The following COX10 variants were observed in gnomAD, a reference collection of about 807,000 sequenced individuals.
COX10 encodes cytochrome c oxidase assembly factor heme A:farnesyltransferase COX10.
In COX10, 27 loss-of-function variants were observed where a neutral mutation model predicts 37.3. The observed-to-expected ratio is 0.72, with a 90% CI of 0.53 to 1.00. The LOEUF (loss-of-function observed/expected upper bound fraction) is 1.00. Among genes scored for constraint, COX10 ranks in the 50% least tolerant of loss-of-function variants. COX10 has a pLI of 0.00. For synonymous variants in COX10, 222 were observed against 229.1 expected (o/e 0.97, Z 0.28); for missense variants, 475 against 563.2 (o/e 0.84, Z 1.59).
chr17:14,097,007 C>T (rs1163991527), intron 3 of COX10, among the ~76,000 whole-genome samples: 2 of 152,090 alleles, frequency 1.3e-5, no homozygotes. Context: ...GGTCATGCTT[C>T]ATTGGCAACA....
chr17:14,129,817 G>T (rs548779929), intron 4 of COX10, among the ~76,000 whole-genome samples: 2 of 152,278 alleles, frequency 1.3e-5, no homozygotes, highest in East Asian at 3.9e-4. Flanking sequence ...GTACAGTAGG[G>T]TTATATAGGG....
intron 6 of COX10, among the ~76,000 whole-genome samples, chr17:14,193,021 C>T (rs935242231): frequency 2.0e-5 from 3 of 152,170 alleles, no homozygotes; most frequent in African/African-American, 4.8e-5. Flanking sequence ...CTTACAAATG[C>T]GATTACACCT....
intron 3 of COX10, among the ~76,000 whole-genome samples, chr17:14,096,356 G>T (rs1915652135): frequency 6.8e-6 from 1 of 146,660 alleles, no homozygotes; most frequent in African/African-American, 2.5e-5. Context: ...ATTTTTAAAT[G>T]TAGGTGTGTT....
At chr17:14,104,952 G>A (rs1218522837) in intron 4 of COX10, among the ~76,000 whole-genome samples, 1 of 152,162 alleles carries the variant, frequency 6.6e-6, no homozygotes, top group Non-Finnish European at 1.5e-5. Flanking sequence ...GCCTTCAAAG[G>A]ATGGAAAAAT....
chr17:14,145,338 G>A (rs182039868), intron 4 of COX10, among the ~76,000 whole-genome samples: 2 of 152,196 alleles, frequency 1.3e-5, no homozygotes, highest in East Asian at 3.9e-4. Context: ...GTCCTATAAG[G>A]TGTCTTTTTC....
At position 14,207,141 on chromosome 17, in the gene COX10, G is replaced by A. The variant is rs770684580; in HGVS notation, c.1260G>A (p.Pro420=). 3.1e-5 allele frequency: 50 copies of A among 1,612,020 alleles called. No individual in the cohort carries two copies. Among genetic ancestry groups the A allele is most frequent in the East Asian group, 2.9e-4 (13 of 44,854 alleles). ...TCTTCTGCAGCCTGTGGCACCTGCC[G>A]CTGCTGCTGCTGCTCATGCTCACCT... ...RLFFCSLWHL[P]LLLLLMLTCK... Residue 420 remains proline, a synonymous_variant, in exon 7 of 7, where the codon CCG becomes CCA. Coordinates refer to ENST00000261643, the MANE Select transcript of COX10 (RefSeq NM_001303.4).
At chr17:14,138,580 A>G (rs1261097128) in intron 4 of COX10, among the ~76,000 whole-genome samples, 2 of 152,178 alleles carry the variant, frequency 1.3e-5, no homozygotes, top group Non-Finnish European at 2.9e-5. Context: ...ATAAGTAAAC[A>G]TAGATTTCTG....
At chr17:14,114,856 T>C (rs2142208539) in intron 4 of COX10, among the ~76,000 whole-genome samples, 1 of 152,244 alleles carries the variant, frequency 6.6e-6, no homozygotes, top group East Asian at 1.9e-4. Context: ...CTACTTGATT[T>C]CCATAAACTT....
chr17:14,146,017 A>G (rs989635857), intron 4 of COX10, among the ~76,000 whole-genome samples: 3 of 152,180 alleles, frequency 2.0e-5, no homozygotes, highest in South Asian at 4.1e-4. Context: ...AGGGTCTGCC[A>G]TATTTTGTAT....
intron 4 of COX10, among the ~76,000 whole-genome samples, chr17:14,133,382 A>G (rs2142220812): frequency 6.6e-6 from 1 of 151,760 alleles, no homozygotes; most frequent in African/African-American, 2.4e-5. Flanking sequence ...AATAGTTTTG[A>G]AGAAATATAA....
At chr17:14,130,157 A>G (rs1433266079) in intron 4 of COX10, among the ~76,000 whole-genome samples, 6 of 152,206 alleles carry the variant, frequency 3.9e-5, no homozygotes, top group Non-Finnish European at 7.4e-5. Flanking sequence ...GGAAGTAATT[A>G]TCTTAGAGGT....
intron 4 of COX10, among the ~76,000 whole-genome samples, chr17:14,142,746 G>A (rs377756329): frequency 2.6e-4 from 40 of 152,250 alleles, no homozygotes; most frequent in African/African-American, 9.6e-4. Context: ...AATATTTTGT[G>A]TGTATATCAA....
chr17:14,076,591 A>T (rs1346700498), intron 2 of COX10, 144 bp from the exon 3 acceptor site: 1 of 783,710 alleles, frequency 1.3e-6, no homozygotes, highest in Non-Finnish European at 2.1e-6. Flanking sequence ...CACTCTATAA[A>T]TACATGCCGA....
At chr17:14,117,992 C>T (rs1916150765) in intron 4 of COX10, among the ~76,000 whole-genome samples, 5 of 152,080 alleles carry the variant, frequency 3.3e-5, no homozygotes, top group Admixed American at 3.3e-4. Flanking sequence ...GCCCACCTAG[C>T]TGGACTCTCC....
At chr17:14,087,118 G>A (rs1426923922) in intron 3 of COX10, among the ~76,000 whole-genome samples, 1 of 152,148 alleles carries the variant, frequency 6.6e-6, no homozygotes, top group African/African-American at 2.4e-5. Context: ...CATCTATTAT[G>A]TTCCAAGTAT....
intron 4 of COX10, among the ~76,000 whole-genome samples, chr17:14,155,501 A>G (rs1905018827): frequency 6.6e-6 from 1 of 151,918 alleles, no homozygotes. Flanking sequence ...GGATCACAAG[A>G]TCAGGAGATC....
chr17:14,121,150 G>T (rs907646485), intron 4 of COX10, among the ~76,000 whole-genome samples: 1 of 152,118 alleles, frequency 6.6e-6, no homozygotes. Flanking sequence ...ATAACTTCCA[G>T]TTCTCTTTTT....
chr17:14,200,306 T>C (rs1279730776), intron 6 of COX10, among the ~76,000 whole-genome samples: 3 of 152,174 alleles, frequency 2.0e-5, no homozygotes, highest in Non-Finnish European at 2.9e-5. Context: ...TTCTGGACAA[T>C]GTGCAGAGGT....
chr17:14,126,061 A>G (rs181185579), intron 4 of COX10, among the ~76,000 whole-genome samples: 128 of 152,260 alleles, frequency 8.4e-4, no homozygotes, highest in Non-Finnish European at 1.6e-3. Context: ...TTCTAACAAA[A>G]CACTACGATT....
Sources: allele counts gnomAD v4.1 joint callset (sites outside exome capture counted in the v4.1 genomes callset), GRCh38; gene constraint gnomAD v4.1.1; transcripts MANE v1.5; gene names NCBI Gene and HGNC (gene_info 2026-07-23, HGNC 2026-07-21).